Variants in ARHGAP27 observed in about 807,000 individuals in gnomAD.
The protein encoded by ARHGAP27 is rho GTPase-activating protein 27.
In ARHGAP27, 53 loss-of-function variants were observed where a neutral mutation model predicts 102.0. The ratio of observed to expected loss-of-function variants is 0.52; its 90% CI spans 0.42 to 0.65. The LOEUF (loss-of-function observed/expected upper bound fraction) is 0.65, where lower values mean the gene tolerates loss of function less well. ARHGAP27 is among the 30% of genes least tolerant of loss of function. The pLI is 0.00. For missense variants in ARHGAP27, 1,117 were observed against 1,256.2 expected (o/e 0.89, Z 1.68); for synonymous variants, 525 against 542.8 (o/e 0.97, Z 0.46).
rs769314831 is a variant in ARHGAP27, at chr17:45,405,860, G to C, written c.881C>G (p.Ser294Trp). The C allele has an allele frequency of 6.5e-7, 1 of 1,536,070 alleles. No individual in the cohort carries two copies. The highest frequency in any genetic ancestry group is 8.7e-7 in the Non-Finnish European group (1 of 1,146,886). ...GAASPATSPA[S>W]VDSHVSLETE... ...CTCAAGGCTCACGTGGCTGTCCACC[G>C]AGGCAGGGGAGGTGGCTGGGCTGGC... The change falls in exon 5 of 20, where the codon TCG becomes TGG. Residue 294 changes from serine to tryptophan, a missense_variant. Ser to Trp is a radical substitution (Grantham distance 177). Around this residue, in one of 3 missense-constraint regions of ARHGAP27, gnomAD observed 610 missense variants for 716.4 expected, o/e 0.85. Coordinates refer to ENST00000685559, the MANE Select transcript of ARHGAP27 (RefSeq NM_001282290.2).
At chr17:45,410,613 G>A (rs1183484746) in intron 4 of ARHGAP27, among the ~76,000 whole-genome samples, 6 of 152,152 alleles carry the variant, frequency 3.9e-5, no homozygotes, top group Non-Finnish European at 7.3e-5. Flanking sequence ...GGAAGATCAC[G>A]GCCAGACCCA....
At chr17:45,411,735 C>T (rs1179880082) in intron 4 of ARHGAP27, among the ~76,000 whole-genome samples, 1 of 152,084 alleles carries the variant, frequency 6.6e-6, no homozygotes, top group African/African-American at 2.4e-5. Flanking sequence ...CTGGAGGCCT[C>T]ATGCTTATCA....
chr17:45,430,031 C>G lies in ARHGAP27; in HGVS notation c.249G>C (p.Pro83=). The change falls in exon 4 of 20, where the codon CCG becomes CCC. Residue 83 remains proline (P), a synonymous_variant. Transcript: ENST00000685559. This position sits in a 1 kb window ranked among gnomAD's most constrained non-coding sequence, Gnocchi z 4.4. Reference sequence around the variant, plus strand: ...CGAGCGGCTCAGGGGCCGCGGGGCTCGGGTGGGGACCTGGCGGCGCGGCGG... The same window carrying G: ...CGAGCGGCTCAGGGGCCGCGGGGCTGGGGTGGGGACCTGGCGGCGCGGCGG... The part of the protein sequence containing the change: ...PAAAAPPGPH[P]SPAAPEPLAY... The G allele has an allele frequency of 8.1e-7, 1 of 1,231,896 alleles. No homozygotes were observed. The allele number at this position is 1,231,896 out of a possible 1,614,324, so 76.3% of individuals were successfully genotyped here.
Position 45,430,852 on chromosome 17 carries a change from G to C in ARHGAP27, c.-18-555C>G, listed in dbSNP as rs765217112. Among the ~76,000 whole-genome samples, 9 of 152,122 alleles carry C rather than the reference G, an allele frequency of 5.9e-5. No individual in the cohort carries two copies. The highest frequency in any genetic ancestry group is 2.9e-5 in the Non-Finnish European group (2 of 67,994). The stretch of plus-strand genomic sequence containing the variant: ...AGAGTTGGAATGTGGGCTCTGTAGG[G>C]GGCCGAGCGAACAGCTCTACCTGGG... On this transcript the variant is annotated intron_variant, in intron 3 of 19. Coordinates refer to ENST00000685559, the MANE Select transcript of ARHGAP27 (RefSeq NM_001282290.2). The surrounding 1 kb of genome is among the most constrained non-coding windows in gnomAD (Gnocchi z 4.4).
chr17:45,414,642 T>C (rs1478014214), intron 4 of ARHGAP27, among the ~76,000 whole-genome samples: 1 of 142,670 alleles, frequency 7.0e-6, no homozygotes, highest in African/African-American at 2.6e-5. Flanking sequence ...AGAGACAGGG[T>C]CTGACTATGT....
At position 45,404,295 on chromosome 17, in the gene ARHGAP27, C is replaced by A. The variant is rs200826138; in HGVS notation, c.1453G>T (p.Val485Phe). 17 of 1,614,048 alleles carry A rather than the reference C, an allele frequency of 1.1e-5. No homozygotes were observed. Among genetic ancestry groups the A allele is most frequent in the Non-Finnish European group, 1.4e-5 (17 of 1,179,986 alleles). Residue 485 changes from valine to phenylalanine, a missense_variant, in exon 9 of 20, where the codon GTC becomes TTC. Coordinates refer to ENST00000685559, the MANE Select transcript of ARHGAP27 (RefSeq NM_001282290.2). ...CTCACAGCAGCTGTGGCAGGAGAGA[C>A]TTCCTCCCAGCTCCCAACCTCATCC... ...ELDEVGSWEEVSPATAAVRTK... is the reference protein window; with the variant it reads ...ELDEVGSWEEFSPATAAVRTK...
rs1331210557 is a variant in ARHGAP27 at position 45,432,776 on chromosome 17, C to T, written c.-309G>A. On this transcript the variant is annotated 5_prime_UTR_variant, in exon 1 of 20. Transcript: ENST00000685559. ...CCTCGGGGCGTCCGCTCGCCGGCTTCGCCTCCACTTGCCCCGGCAGGCGCG... is the reference window on the plus strand; with the variant it reads ...CCTCGGGGCGTCCGCTCGCCGGCTTTGCCTCCACTTGCCCCGGCAGGCGCG... 6.6e-6 allele frequency: 1 copy of T among 151,568 alleles called. No individual in the cohort carries two copies. The allele number at this position is 151,568 out of a possible 1,614,324, so 9.4% of individuals were successfully genotyped here. A position where few individuals can be genotyped will look rare whatever the true frequency, so the allele number is the denominator to read the frequency against.
At chr17:45,395,701 C>T in intron 19 of ARHGAP27, 43 bp downstream of exon 19, 1 of 1,567,118 alleles carries the variant, frequency 6.4e-7, no homozygotes, top group South Asian at 1.2e-5. Flanking sequence ...GGGGCTTCAG[C>T]CGGGACCTGC....
rs2047094888 is a variant in ARHGAP27, at chr17:45,405,839, A to G, written c.902T>C (p.Leu301Pro). ...CCAGTACTGGCCCCACTCGGTCTCA[A>G]GGCTCACGTGGCTGTCCACCGAGGC... ...SPASVDSHVS[L>P]ETEWGQYWDE... Residue 301 changes from leucine to proline, a missense_variant, in exon 5 of 20, where the codon CTT becomes CCT. By Grantham distance (98) the Leu-to-Pro change is moderately conservative (BLOSUM62 -3). Around this residue, in one of 3 missense-constraint regions of ARHGAP27, gnomAD observed 610 missense variants for 716.4 expected, o/e 0.85. Transcript: ENST00000685559. The G allele has an allele frequency of 6.5e-7, 1 of 1,536,560 alleles. No homozygotes were observed. The highest frequency in any genetic ancestry group is 2.0e-5 in the Admixed American group (1 of 51,004).
chr17:45,396,207 C>G lies in ARHGAP27; in HGVS notation c.2251G>C (p.Asp751His), dbSNP rs201648544. ...IQKLRYKVDH[D>H]ERLDLDDGRW... ...GGCAGGGGTTGGGGACGGGCCTCAC[C>G]GTGGTCCACCTTATAGCGTAGCTTC... The change falls in exon 17 of 20, where the codon GAT becomes CAT. Residue 751 changes from aspartate (D) to histidine (H), a missense_variant and splice_region_variant. By Grantham distance (81) the Asp-to-His change is moderately conservative. Coordinates refer to ENST00000685559, the MANE Select transcript of ARHGAP27 (RefSeq NM_001282290.2). 6.2e-7 allele frequency: 1 copy of G among 1,609,276 alleles called. No homozygotes were observed. Among genetic ancestry groups the G allele is most frequent in the Non-Finnish European group, 8.5e-7 (1 of 1,177,056 alleles).
At chr17:45,422,951 T>C (rs1280338860) in intron 4 of ARHGAP27, among the ~76,000 whole-genome samples, 6 of 152,076 alleles carry the variant, frequency 3.9e-5, no homozygotes, top group African/African-American at 1.2e-4. Context: ...GAGGCTGAGG[T>C]GGGTGGATCA....
At position 45,430,352 on chromosome 17, in the gene ARHGAP27, GC is replaced by G. The variant is rs1354258414; in HGVS notation, c.-18-56del. 3 of 1,499,866 alleles carry G rather than the reference GC, an allele frequency of 2.0e-6. No homozygotes were observed. Among genetic ancestry groups the G allele is most frequent in the Non-Finnish European group, 2.6e-6 (3 of 1,134,310 alleles). The allele number at this position is 1,499,866 out of a possible 1,614,324, so 92.9% of individuals were successfully genotyped here. On this transcript the variant is annotated intron_variant, in intron 3 of 19. Coordinates refer to ENST00000685559, the MANE Select transcript of ARHGAP27 (RefSeq NM_001282290.2). This position sits in a 1 kb window ranked among gnomAD's most constrained non-coding sequence, Gnocchi z 4.4. ...GGTCAAGACCACCGAGCCTGGAATAGCCCCGCACTCGGGGACAGACTTGGGT... is the reference window on the plus strand; with the variant it reads ...GGTCAAGACCACCGAGCCTGGAATAGCCCGCACTCGGGGACAGACTTGGGT...
At chr17:45,397,922 C>A in intron 13 of ARHGAP27, 27 bp downstream of exon 13, 1 of 1,577,386 alleles carries the variant, frequency 6.3e-7, no homozygotes, top group Non-Finnish European at 8.7e-7. Context: ...CTCCCCACTG[C>A]CCCTAGAGGC....
intron 10 of ARHGAP27, 94 bp from the exon 11 acceptor site, chr17:45,403,803 A>G: frequency 8.4e-7 from 1 of 1,185,274 alleles, no homozygotes; most frequent in African/African-American, 1.5e-5. Flanking sequence ...GAGCTTAGGA[A>G]CACAGGCTAG....
At chr17:45,396,840 CCAG>C in intron 14 of ARHGAP27, 50 bp from the exon 15 acceptor site, 1 of 1,606,732 alleles carries the variant, frequency 6.2e-7, no homozygotes, top group Non-Finnish European at 8.5e-7. Context: ...CCAGGGCAGG[CCAG>C]GCAGGCCCCA....
At chr17:45,431,586 G>A (rs2050060935) in intron 3 of ARHGAP27, 35 bp downstream of exon 3, 1 of 174,762 alleles carries the variant, frequency 5.7e-6, no homozygotes, top group South Asian at 1.0e-4. Context: ...CACTCCCCCG[G>A]CGCCCCCTCC....
At chr17:45,397,898 A>C (rs780665476) in intron 13 of ARHGAP27, 51 bp downstream of exon 13, 24 of 1,521,732 alleles carry the variant, frequency 1.6e-5, no homozygotes, top group Non-Finnish European at 2.2e-5. Flanking sequence ...GGCCCCACTC[A>C]TAATGGCCAC....
rs938716455 is a variant in ARHGAP27 at position 45,395,633 on chromosome 17, C to G, written c.2493G>C (p.Arg831=). 1 of 1,601,962 alleles carries G rather than the reference C, an allele frequency of 6.2e-7. No homozygotes were observed. The highest frequency in any genetic ancestry group is 1.3e-5 in the African/African-American group (1 of 74,748). Residue 831 remains arginine, a splice_region_variant and synonymous_variant, in exon 20 of 20, where the codon CGG becomes CGC. Transcript: ENST00000685559. ...GGTTCTGCTCGCCGTGCTCGATCACCCTGTGGCAGGGGTGGGTGGGTTCAG... is the reference window on the plus strand; with the variant it reads ...GGTTCTGCTCGCCGTGCTCGATCACGCTGTGGCAGGGGTGGGTGGGTTCAG... ...TLRMLFQHLC[R]VIEHGEQNRM... is the part of the protein sequence containing the mutation.
chr17:45,400,667 C>T (rs541513645), intron 12 of ARHGAP27, among the ~76,000 whole-genome samples: 2 of 152,282 alleles, frequency 1.3e-5, no homozygotes, highest in South Asian at 4.1e-4. Context: ...GTAATCCCAG[C>T]ACTTTGGGAG....
Sources: gnomAD v4.1 joint callset for allele counts (sites outside exome capture counted in the v4.1 genomes callset) on GRCh38, gnomAD v4.1.1 for gene constraint, gnomAD v4.1.1 regional missense constraint, Gnocchi (gnomAD v3.1) non-coding constraint, MANE v1.5 for transcripts, NCBI Gene and HGNC (gene_info 2026-07-23, HGNC 2026-07-21) for gene names.